Variants in GARNL3 observed in about 807,000 individuals in gnomAD.
The protein encoded by GARNL3 is GTPase activating Rap/RanGAP domain like 3, also known as GTPase-activating Rap/Ran-GAP domain-like protein 3.
Under a neutral mutation model 125.0 loss-of-function variants are expected in GARNL3, and 63 were observed. The ratio of observed to expected loss-of-function variants is 0.50; its 90% CI spans 0.41 to 0.62. GARNL3 has a LOEUF of 0.62. Among genes scored for constraint, GARNL3 ranks in the 20% least tolerant of loss-of-function variants. The pLI, the probability that GARNL3 is intolerant of heterozygous loss-of-function variation, is 0.00. For missense variants in GARNL3, 994 were observed against 1,244.0 expected, an observed-to-expected ratio of 0.80 and a Z score of 3.02; for synonymous variants, 439 against 457.5, an observed-to-expected ratio of 0.96 and a Z score of 0.52.
At chr9:127,263,760 A>T (rs879788701), upstream of GARNL3, 20 of 1,217,596 alleles carry the variant, frequency 1.6e-5, no homozygotes, top group Non-Finnish European at 1.9e-5. Flanking sequence ...GAGGACTACA[A>T]AAGGTTAAAT....
In GARNL3 at chr9:127,383,424, T is replaced by G; in HGVS notation, c.2162-14T>G. 6.4e-7 allele frequency: 1 copy of G among 1,555,474 alleles called. No individual in the cohort carries two copies. Among genetic ancestry groups the G allele is most frequent in the Non-Finnish European group, 8.8e-7 (1 of 1,137,456 alleles). On this transcript the variant is annotated splice_polypyrimidine_tract_variant and intron_variant, in intron 22 of 27. Transcript: ENST00000373387. Reference sequence around the variant, plus strand: ...GTCTCTAACAAAAATGAGTTGCTGTTGTTTTCATTGCAGACAGTTGCATCT... The same window carrying G: ...GTCTCTAACAAAAATGAGTTGCTGTGGTTTTCATTGCAGACAGTTGCATCT...
chr9:127,287,886 T>G (rs544575003), intron 1 of GARNL3, among the ~76,000 whole-genome samples: 1 of 152,366 alleles, frequency 6.6e-6, no homozygotes, highest in East Asian at 1.9e-4. Context: ...CTTGCATGAT[T>G]AATGAACCTT....
At position 127,338,144 on chromosome 9, in the gene GARNL3, A is replaced by G; in HGVS notation, c.1011A>G (p.Gln337=). The G allele has an allele frequency of 6.2e-7, 1 of 1,611,700 alleles. No individual in the cohort carries two copies. Among genetic ancestry groups the G allele is most frequent in the Admixed American group, 1.7e-5 (1 of 60,028 alleles). The change falls in exon 12 of 28, where the codon CAA becomes CAG. Residue 337 remains glutamine, a synonymous_variant. Coordinates refer to ENST00000373387, the MANE Select transcript of GARNL3 (RefSeq NM_032293.5). ...THIFALVRYN[Q]QNDNYRLKIF... ...TTTTTGCCTTAGTGAGATACAATCA[A>G]CAAAATGACAATTACAGGTAGGTAA...
At chr9:127,323,367 G>T (rs763404493) in intron 6 of GARNL3, among the ~76,000 whole-genome samples, 1 of 152,162 alleles carries the variant, frequency 6.6e-6, no homozygotes, top group South Asian at 2.1e-4. Context: ...CCAAAATAAA[G>T]AAACTGCAAC....
At position 127,344,281 on chromosome 9, in the gene GARNL3, C is replaced by T; in HGVS notation, c.1298C>T (p.Pro433Leu). 1 of 1,613,910 alleles carries T rather than the reference C, an allele frequency of 6.2e-7. No homozygotes were observed. Among genetic ancestry groups the T allele is most frequent in the South Asian group, 1.1e-5 (1 of 91,064 alleles). ...RSFSDVLPES[P>L]KSARKKEEAR... ...TTTAGTGATGTCTTACCAGAGTCAC[C>T]CAAGTCAGCGCGGAAGAAAGAGGAG... is the stretch of plus-strand genomic sequence containing the variant. The change falls in exon 15 of 28, where the codon CCC becomes CTC. Residue 433 changes from proline (P) to leucine (L), a missense_variant. Physicochemically the swap from Pro to Leu is moderately conservative, Grantham distance 98. This residue lies in a region of GARNL3 where 728 missense variants were observed against 865.7 expected (regional missense o/e 0.84). Coordinates refer to ENST00000373387, the MANE Select transcript of GARNL3 (RefSeq NM_032293.5).
intron 22 of GARNL3, among the ~76,000 whole-genome samples, chr9:127,379,811 A>G (rs1376976128): frequency 6.6e-6 from 1 of 152,240 alleles, no homozygotes; most frequent in Non-Finnish European, 1.5e-5. Context: ...TTAAAGTCCA[A>G]TTCTGTTTTT....
intron 21 of GARNL3, among the ~76,000 whole-genome samples, chr9:127,357,609 G>C (rs561650819): frequency 6.6e-6 from 1 of 152,058 alleles, no homozygotes; most frequent in East Asian, 1.9e-4. Flanking sequence ...TTAGTTTTCA[G>C]ATCTTTCCTT....
chr9:127,233,017 C>A (rs2063047155), intron 1 of GARNL3, among the ~76,000 whole-genome samples: 1 of 152,136 alleles, frequency 6.6e-6, no homozygotes, highest in Admixed American at 6.5e-5. Context: ...TATACCACTG[C>A]ACTCCGGCCT....
intron 2 of GARNL3, among the ~76,000 whole-genome samples, chr9:127,253,079 A>G (rs2131215202): frequency 6.6e-6 from 1 of 152,330 alleles, no homozygotes; most frequent in African/African-American, 2.4e-5. Context: ...ACTCAAAAAC[A>G]AATTTCATGA....
In GARNL3 at chr9:127,304,730, T is replaced by C. The variant is rs148643299; in HGVS notation, c.220-6906T>C. On this transcript the variant is annotated intron_variant, in intron 2 of 27. Coordinates refer to ENST00000373387, the MANE Select transcript of GARNL3 (RefSeq NM_032293.5). ...TTTTGTATTTTTTGTAGAGACAGGG[T>C]TTAGCTTTGTTGGCCAGACTGGTCT... 3.8e-3 allele frequency among the ~76,000 whole-genome samples: 580 copies of C among 152,062 alleles called. 4 individuals are homozygous for C. The highest frequency in any genetic ancestry group is 8.1e-3 in the South Asian group (39 of 4,808).
intron 23 of GARNL3, 86 bp downstream of exon 23, chr9:127,383,631 G>A: frequency 2.6e-6 from 2 of 774,988 alleles, no homozygotes; most frequent in South Asian, 3.5e-5. Flanking sequence ...GCAAATCACT[G>A]GCTTACTGCG....
intron 2 of GARNL3, among the ~76,000 whole-genome samples, chr9:127,306,588 G>C (rs1229297502): frequency 1.3e-5 from 2 of 152,252 alleles, no homozygotes; most frequent in South Asian, 4.1e-4. Flanking sequence ...TTAGCCGGGC[G>C]TGGTGGCAGG....
chr9:127,235,852 A>G (rs2063103454), intron 1 of GARNL3, among the ~76,000 whole-genome samples: 1 of 152,210 alleles, frequency 6.6e-6, no homozygotes, highest in South Asian at 2.1e-4. Flanking sequence ...ATGATTGGAA[A>G]CAACGACTAC....
At chr9:127,332,509 A>T (rs1334272760) in intron 8 of GARNL3, among the ~76,000 whole-genome samples, 160 bp downstream of exon 8, 1 of 152,186 alleles carries the variant, frequency 6.6e-6, no homozygotes, top group Non-Finnish European at 1.5e-5. Context: ...GTTGTTGCCC[A>T]GTTTCATTCA....
At position 127,266,864 on chromosome 9, in the gene GARNL3, G is replaced by A. The variant is rs138183787; in HGVS notation, c.144+1843G>A. Among the ~76,000 whole-genome samples the A allele has an allele frequency of 2.4e-3, 361 of 152,340 alleles. 3 individuals carry two copies. Among genetic ancestry groups the A allele is most frequent in the African/African-American group, 8.4e-3 (349 of 41,584 alleles). On this transcript the variant is annotated intron_variant, in intron 1 of 27. Coordinates refer to ENST00000373387, the MANE Select transcript of GARNL3 (RefSeq NM_032293.5). This position sits in a 1 kb window ranked among gnomAD's most constrained non-coding sequence, Gnocchi z 4.0. ...TGGGGGAGATAACATGGGTGTGAAA[G>A]ATGGACTCTTTAAAGATGTGGGGAA... is the stretch of plus-strand genomic sequence containing the variant.
chr9:127,316,230 G>A (rs1221507221), intron 4 of GARNL3, among the ~76,000 whole-genome samples: 1 of 152,104 alleles, frequency 6.6e-6, no homozygotes, highest in South Asian at 2.1e-4. Context: ...CCCCCGAGCT[G>A]CCCTTGGCTT....
intron 6 of GARNL3, among the ~76,000 whole-genome samples, chr9:127,323,338 G>A (rs1219482517): frequency 6.6e-6 from 1 of 152,156 alleles, no homozygotes; most frequent in Non-Finnish European, 1.5e-5. Flanking sequence ...AGGACTATTC[G>A]CTTCTGAACA....
At chr9:127,389,551 A>C (rs965884987) in intron 26 of GARNL3, among the ~76,000 whole-genome samples, 4 of 152,214 alleles carry the variant, frequency 2.6e-5, no homozygotes, top group African/African-American at 9.7e-5. Flanking sequence ...CAGTTCCCTT[A>C]TTACTTCTCC....
At chr9:127,327,660 A>C (rs2065616964) in intron 7 of GARNL3, among the ~76,000 whole-genome samples, 1 of 152,128 alleles carries the variant, frequency 6.6e-6, no homozygotes, top group Admixed American at 6.5e-5. Context: ...CAGCCTCCTG[A>C]GTAGCTGGAA....
Sources: gnomAD v4.1 joint callset for allele counts (sites outside exome capture counted in the v4.1 genomes callset) on GRCh38, gnomAD v4.1.1 for gene constraint, gnomAD v4.1.1 regional missense constraint, Gnocchi (gnomAD v3.1) non-coding constraint, MANE v1.5 for transcripts, NCBI Gene and HGNC (gene_info 2026-07-23, HGNC 2026-07-21) for gene names.